The following PREX2 variants were observed in gnomAD, a reference collection of about 807,000 sequenced individuals.
The protein encoded by PREX2 is phosphatidylinositol-3,4,5-trisphosphate dependent Rac exchange factor 2, also known as phosphatidylinositol 3,4,5-trisphosphate-dependent Rac exchanger 2 protein.
Under a neutral mutation model 203.2 loss-of-function variants are expected in PREX2, and 107 were observed. The observed-to-expected ratio is 0.53, with a 90% CI of 0.45 to 0.62. PREX2 has a LOEUF of 0.62. Ranked by LOEUF, PREX2 falls within the 20% of genes least tolerant of loss-of-function variation. The pLI is 0.00. For missense variants in PREX2, 1,777 were observed against 1,955.9 expected, an observed-to-expected ratio of 0.91 and a Z score of 1.72; for synonymous variants, 672 against 663.6, an observed-to-expected ratio of 1.01 and a Z score of -0.19.
intron 11 of PREX2, 42 bp downstream of exon 11, chr8:68,060,821 G>C (rs550110555): frequency 1.6e-6 from 2 of 1,267,022 alleles, no homozygotes; most frequent in South Asian, 1.3e-5. Context: ...TGCATTTATT[G>C]GCCATATGTA....
chr8:68,146,425 T>C (rs1436573967), intron 34 of PREX2, 73 bp downstream of exon 34: 7 of 1,264,760 alleles, frequency 5.5e-6, no homozygotes, highest in Non-Finnish European at 6.6e-6. Flanking sequence ...ATAAATGTGA[T>C]TTTAACAGTT....
At chr8:68,133,991 C>T in intron 31 of PREX2, 68 bp from the exon 32 acceptor site, 1 of 1,219,468 alleles carries the variant, frequency 8.2e-7, no homozygotes, top group Non-Finnish European at 1.2e-6. Flanking sequence ...AATGTAGATG[C>T]TGAACGCATT....
chr8:68,096,394 A>C (rs1050893541), intron 21 of PREX2, among the ~76,000 whole-genome samples: 2 of 152,092 alleles, frequency 1.3e-5, no homozygotes, highest in African/African-American at 4.8e-5. Flanking sequence ...GTTTCCCAGG[A>C]GTTTCTTACT....
chr8:68,205,592 A>G (rs1182219861), intron 37 of PREX2, among the ~76,000 whole-genome samples: 1 of 152,248 alleles, frequency 6.6e-6, no homozygotes, highest in East Asian at 1.9e-4. Flanking sequence ...TCAGATGTAC[A>G]ATTCTTCCTC....
chr8:67,961,017 TG>T (rs1805620442), intron 1 of PREX2, among the ~76,000 whole-genome samples: 1 of 150,932 alleles, frequency 6.6e-6, no homozygotes, highest in Admixed American at 6.6e-5. Flanking sequence ...TAAACCATGG[TG>T]CAAATAGTAT....
chr8:68,038,047 T>C, intron 6 of PREX2, 112 bp from the exon 7 acceptor site: 1 of 1,153,032 alleles, frequency 8.7e-7, no homozygotes, highest in South Asian at 1.5e-5. Flanking sequence ...CTTTAGCCTG[T>C]GCATAGCTTG....
At chr8:68,138,188 T>C (rs1272462977) in intron 32 of PREX2, among the ~76,000 whole-genome samples, 4 of 152,060 alleles carry the variant, frequency 2.6e-5, no homozygotes, top group Non-Finnish European at 4.4e-5. Context: ...ATTTAAACAA[T>C]AGAGAAAAGG....
At chr8:68,046,363 G>T (rs902404453) in intron 8 of PREX2, among the ~76,000 whole-genome samples, 8 of 152,054 alleles carry the variant, frequency 5.3e-5, no homozygotes, top group African/African-American at 1.9e-4. Flanking sequence ...ACCTTTGGAG[G>T]CATGGCCATA....
At chr8:68,059,174 A>T (rs1808768457) in intron 10 of PREX2, among the ~76,000 whole-genome samples, 1 of 152,236 alleles carries the variant, frequency 6.6e-6, no homozygotes, top group Non-Finnish European at 1.5e-5. Context: ...CTAGTCTACA[A>T]CAAATTCAAT....
chr8:68,161,929 A>G (rs1811663049), intron 35 of PREX2, among the ~76,000 whole-genome samples: 2 of 152,186 alleles, frequency 1.3e-5, no homozygotes, highest in African/African-American at 4.8e-5. Flanking sequence ...AAGCCTCACA[A>G]TCCTGGTGGA....
At chr8:68,203,911 A>G (rs191789692) in intron 37 of PREX2, among the ~76,000 whole-genome samples, 1 of 152,332 alleles carries the variant, frequency 6.6e-6, no homozygotes, top group Admixed American at 6.5e-5. Context: ...TAAAGTATTT[A>G]TGTCATCAGA....
At position 68,213,737 on chromosome 8, in the gene PREX2, A is replaced by T. The variant is rs73683413; in HGVS notation, c.4605-3879A>T. On this transcript the variant is annotated intron_variant, in intron 37 of 39. Coordinates refer to ENST00000288368, the MANE Select transcript of PREX2 (RefSeq NM_024870.4). ...TATTGACCTTTTCCTTTTTCTTCCT[A>T]TGGGGAAATTAAACATTTCTGTATA... 2.6e-5 allele frequency among the ~76,000 whole-genome samples: 4 copies of T among 152,250 alleles called. No individual in the cohort carries two copies. In the East Asian group the frequency reaches 7.7e-4, roughly 29 times the overall value.
chr8:68,215,933 T>G (rs1032139414), intron 37 of PREX2, among the ~76,000 whole-genome samples: 2 of 152,218 alleles, frequency 1.3e-5, no homozygotes, highest in Non-Finnish European at 2.9e-5. Context: ...TAAGACAATA[T>G]GCATTGTTAT....
intron 39 of PREX2, among the ~76,000 whole-genome samples, chr8:68,225,352 G>C (rs1024164321): frequency 2.6e-5 from 4 of 152,068 alleles, no homozygotes; most frequent in African/African-American, 9.7e-5. Flanking sequence ...TAAAATAAAT[G>C]AACATAAATA....
chr8:68,030,274 CA>C (rs1222124667), intron 5 of PREX2, among the ~76,000 whole-genome samples: 1 of 152,072 alleles, frequency 6.6e-6, no homozygotes, highest in African/African-American at 2.4e-5. Context: ...TTTTTAAAAA[CA>C]AAGTAAGTTT....
intron 1 of PREX2, among the ~76,000 whole-genome samples, chr8:68,008,505 G>A (rs981328542): frequency 6.6e-6 from 1 of 152,182 alleles, no homozygotes; most frequent in African/African-American, 2.4e-5. Context: ...AGTCATGTGT[G>A]TTTTAAGGAT....
chr8:68,211,383 A>G (rs951854882), intron 37 of PREX2, among the ~76,000 whole-genome samples: 2 of 152,222 alleles, frequency 1.3e-5, no homozygotes, highest in Admixed American at 6.5e-5. Context: ...GGACTATAAA[A>G]GTATAAACCT....
At chr8:67,979,058 C>T (rs1806192920) in intron 1 of PREX2, among the ~76,000 whole-genome samples, 2 of 152,164 alleles carry the variant, frequency 1.3e-5, no homozygotes, top group South Asian at 4.1e-4. Context: ...TTCATCTGCT[C>T]AGAGCTATTG....
chr8:68,029,056 C>T (rs1243443847), intron 5 of PREX2, among the ~76,000 whole-genome samples: 4 of 152,124 alleles, frequency 2.6e-5, no homozygotes, highest in African/African-American at 9.6e-5. Context: ...TGTGTTGTAC[C>T]ATCAGCTGAA....
Sources: gnomAD v4.1 joint callset for allele counts (sites outside exome capture counted in the v4.1 genomes callset) on GRCh38, gnomAD v4.1.1 for gene constraint, MANE v1.5 for transcripts, NCBI Gene and HGNC (gene_info 2026-07-23, HGNC 2026-07-21) for gene names.